Variants in PTPRT observed in about 807,000 individuals in gnomAD.
The protein encoded by PTPRT is protein tyrosine phosphatase receptor type T.
Under a neutral mutation model 176.8 loss-of-function variants are expected in PTPRT, and 56 were observed. That is an observed-to-expected ratio of 0.32 (90% CI 0.26 to 0.40). The LOEUF is 0.40. PTPRT is among the 10% of genes least tolerant of loss of function. The pLI, the probability that PTPRT is intolerant of heterozygous loss-of-function variation, is 1.00. For synonymous variants in PTPRT, 783 were observed against 739.0 expected (o/e 1.06, Z -0.96); for missense variants, 1,540 against 1,908.2 (o/e 0.81, Z 3.60).
intron 6 of PTPRT, among the ~76,000 whole-genome samples, chr20:42,733,590 C>T (rs1325659357): frequency 6.6e-6 from 1 of 152,176 alleles, no homozygotes; most frequent in East Asian, 1.9e-4. Context: ...TAGCACCTCG[C>T]CAGAGCCGAG....
At chr20:42,085,954 T>A in intron 27 of PTPRT, 101 bp from the exon 28 acceptor site, 3 of 1,221,916 alleles carry the variant, frequency 2.5e-6, no homozygotes, top group Non-Finnish European at 3.3e-6. Flanking sequence ...TTCTTTTTCT[T>A]TTTTTTTTTT....
At chr20:42,881,861 AG>A (rs2145854743) in intron 2 of PTPRT, among the ~76,000 whole-genome samples, 1 of 152,306 alleles carries the variant, frequency 6.6e-6, no homozygotes, top group African/African-American at 2.4e-5. Flanking sequence ...ACCCGTGCCA[AG>A]AAAGAATCTG....
At chr20:42,225,148 G>A (rs2055976764) in intron 15 of PTPRT, among the ~76,000 whole-genome samples, 1 of 152,160 alleles carries the variant, frequency 6.6e-6, no homozygotes, top group Non-Finnish European at 1.5e-5. Context: ...GGAAAAATCT[G>A]TGAAGTTTAA....
At chr20:42,899,561 G>A (rs2079365082) in intron 1 of PTPRT, among the ~76,000 whole-genome samples, 1 of 152,192 alleles carries the variant, frequency 6.6e-6, no homozygotes, top group Admixed American at 6.5e-5. Flanking sequence ...TGACGAGGCT[G>A]TTTCTCAAAC....
chr20:42,289,004 A>G (rs148266351), intron 12 of PTPRT, among the ~76,000 whole-genome samples: 1 of 152,114 alleles, frequency 6.6e-6, no homozygotes, highest in East Asian at 1.9e-4. Context: ...TTCAACAAAG[A>G]TGAAAAAAAT....
At chr20:42,277,619 A>C (rs1468818976) in intron 13 of PTPRT, among the ~76,000 whole-genome samples, 1 of 152,208 alleles carries the variant, frequency 6.6e-6, no homozygotes, top group East Asian at 1.9e-4. Flanking sequence ...ATAGGGAGCC[A>C]GTTTGGACTC....
At chr20:42,597,719 C>T (rs1029642990) in intron 7 of PTPRT, among the ~76,000 whole-genome samples, 1 of 152,164 alleles carries the variant, frequency 6.6e-6, no homozygotes, top group African/African-American at 2.4e-5. Flanking sequence ...GCCTGTGGAA[C>T]AGTGAGGCAA....
At chr20:42,242,227 T>G (rs1344857535) in intron 14 of PTPRT, among the ~76,000 whole-genome samples, 1 of 152,204 alleles carries the variant, frequency 6.6e-6, no homozygotes, top group Non-Finnish European at 1.5e-5. Flanking sequence ...CAGGACTTGG[T>G]GCACGAACCA....
chr20:42,163,130 A>G (rs1432799018), intron 16 of PTPRT, among the ~76,000 whole-genome samples: 1 of 152,162 alleles, frequency 6.6e-6, no homozygotes, highest in Admixed American at 6.5e-5. Flanking sequence ...GCCTCCACCT[A>G]CCAAGGGAGG....
At chr20:43,002,047 C>T (rs543333050) in intron 1 of PTPRT, among the ~76,000 whole-genome samples, 23 of 152,152 alleles carry the variant, frequency 1.5e-4, no homozygotes, top group Non-Finnish European at 2.6e-4. Flanking sequence ...GCTTCCCCCA[C>T]GCGGTTCTCG....
chr20:42,434,064 G>T (rs2059239392), intron 9 of PTPRT, among the ~76,000 whole-genome samples: 1 of 151,794 alleles, frequency 6.6e-6, no homozygotes, highest in Non-Finnish European at 1.5e-5. Flanking sequence ...GTTGGGCATA[G>T]TGAAAATTAA....
intron 7 of PTPRT, among the ~76,000 whole-genome samples, chr20:42,570,967 G>A (rs1791019539): frequency 6.7e-6 from 1 of 150,052 alleles, no homozygotes. Flanking sequence ...GTGGGGGTGG[G>A]TTATTCTGCC....
At chr20:42,120,846 G>T (rs1252344005) in intron 19 of PTPRT, among the ~76,000 whole-genome samples, 1 of 152,160 alleles carries the variant, frequency 6.6e-6, no homozygotes, top group East Asian at 1.9e-4. Flanking sequence ...GTGAATAAAT[G>T]AATAGATGAA....
chr20:42,334,360 C>T (rs555030143), intron 11 of PTPRT, among the ~76,000 whole-genome samples: 8 of 152,208 alleles, frequency 5.3e-5, no homozygotes, highest in South Asian at 2.1e-4. Context: ...GACAAATTAA[C>T]GCTGGTTGAG....
intron 1 of PTPRT, among the ~76,000 whole-genome samples, chr20:43,064,603 C>G (rs943598137): frequency 2.0e-5 from 3 of 152,228 alleles, no homozygotes; most frequent in Non-Finnish European, 4.4e-5. Flanking sequence ...GTCACAGCTG[C>G]TTCAAGTTGT....
chr20:42,190,842 T>G (rs922407154), intron 16 of PTPRT, among the ~76,000 whole-genome samples: 2 of 152,168 alleles, frequency 1.3e-5, no homozygotes, highest in Non-Finnish European at 2.9e-5. Flanking sequence ...GGAGTAGTCT[T>G]GGACTAAGGG....
At chr20:42,401,693 G>A (rs1304792302) in intron 9 of PTPRT, among the ~76,000 whole-genome samples, 1 of 152,126 alleles carries the variant, frequency 6.6e-6, no homozygotes, top group African/African-American at 2.4e-5. Context: ...GGGGTTAGCA[G>A]AGAGGATGGC....
intron 1 of PTPRT, among the ~76,000 whole-genome samples, chr20:43,066,734 ACT>A (rs1365946922): frequency 1.3e-5 from 2 of 152,074 alleles, no homozygotes; most frequent in African/African-American, 4.8e-5. Context: ...ATCAAGGCAA[ACT>A]CTGAATTCCT....
chr20:42,575,157 AAC>A (rs953101211), intron 7 of PTPRT, among the ~76,000 whole-genome samples: 33 of 152,168 alleles, frequency 2.2e-4, no homozygotes, highest in African/African-American at 7.7e-4. Flanking sequence ...AGATGGGGGT[AAC>A]ACACACATAG....
Sources: allele counts gnomAD v4.1 joint callset (sites outside exome capture counted in the v4.1 genomes callset), GRCh38; gene constraint gnomAD v4.1.1; transcripts MANE v1.5; gene names NCBI Gene and HGNC (gene_info 2026-07-23, HGNC 2026-07-21).